Variants in PREP observed in about 807,000 individuals in gnomAD.
PREP encodes prolyl endopeptidase, also known as dJ355L5.1 (prolyl endopeptidase).
Under a neutral mutation model 87.6 loss-of-function variants are expected in PREP, and 29 were observed. The ratio of observed to expected loss-of-function variants is 0.33; its 90% CI spans 0.25 to 0.45. The LOEUF is 0.45. Ranked by LOEUF, PREP falls within the 20% of genes least tolerant of loss-of-function variation. PREP has a pLI of 1.00. For synonymous variants in PREP, 337 were observed against 328.6 expected (o/e 1.03, Z -0.28); for missense variants, 695 against 886.5 (o/e 0.78, Z 2.74).
At chr6:105,391,060 C>CACA (rs1554212310) in intron 2 of PREP, among the ~76,000 whole-genome samples, 3 of 140,178 alleles carry the variant, frequency 2.1e-5, no homozygotes, top group Admixed American at 7.1e-5. Flanking sequence ...CACACACACA[C>CACA]TTTTTTTTTT....
At chr6:105,361,081 T>G (rs1368152973) in intron 6 of PREP, among the ~76,000 whole-genome samples, 1 of 152,216 alleles carries the variant, frequency 6.6e-6, no homozygotes, top group Non-Finnish European at 1.5e-5. Context: ...AAACCTATAT[T>G]ATTAATATTA....
At chr6:105,364,061 T>A (rs933965581) in intron 6 of PREP, among the ~76,000 whole-genome samples, 2 of 152,176 alleles carry the variant, frequency 1.3e-5, no homozygotes, top group African/African-American at 4.8e-5. Context: ...GTTTCTCTTG[T>A]CTTACTCCTC....
intron 7 of PREP, among the ~76,000 whole-genome samples, chr6:105,341,874 C>T (rs989389969): frequency 3.3e-5 from 5 of 152,302 alleles, no homozygotes; most frequent in Admixed American, 3.3e-4. Context: ...TAATAACAGG[C>T]TCTGAAATTG....
intron 6 of PREP, among the ~76,000 whole-genome samples, chr6:105,359,971 C>G (rs1583080542): frequency 1.3e-5 from 2 of 152,312 alleles, no homozygotes; most frequent in East Asian, 3.9e-4. Context: ...ATCTCAGAGT[C>G]TGCTTCCCAG....
At chr6:105,402,764 G>A in intron 1 of PREP, 83 bp downstream of exon 1, 1 of 1,329,026 alleles carries the variant, frequency 7.5e-7, no homozygotes, top group South Asian at 1.4e-5. Context: ...AGGCCTACAG[G>A]AAGAGGAGCT....
At chr6:105,351,347 T>G (rs1193460953) in intron 7 of PREP, among the ~76,000 whole-genome samples, 3 of 152,192 alleles carry the variant, frequency 2.0e-5, no homozygotes, top group Non-Finnish European at 1.5e-5. Context: ...CTTCCTCATA[T>G]TCATTCTTAG....
At chr6:105,387,432 G>A (rs1456990204) in intron 2 of PREP, among the ~76,000 whole-genome samples, 1 of 152,008 alleles carries the variant, frequency 6.6e-6, no homozygotes, top group Non-Finnish European at 1.5e-5. Flanking sequence ...ATTCATCAAT[G>A]ATTTACAGTG....
intron 11 of PREP, among the ~76,000 whole-genome samples, chr6:105,286,924 C>T (rs1770199238): frequency 2.6e-3 from 1 of 384 alleles, no homozygotes; most frequent in Non-Finnish European, 6.7e-3. Context: ...TGATCCTGGA[C>T]CACCTGCTGG....
chr6:105,347,742 G>A (rs939074663), intron 7 of PREP, among the ~76,000 whole-genome samples: 148 of 152,246 alleles, frequency 9.7e-4, no homozygotes, highest in African/African-American at 3.5e-3. Context: ...GCCAGACACA[G>A]TGGCTCACAC....
At chr6:105,391,248 G>C (rs902531206) in intron 2 of PREP, among the ~76,000 whole-genome samples, 3 of 151,948 alleles carry the variant, frequency 2.0e-5, no homozygotes, top group Non-Finnish European at 4.4e-5. Flanking sequence ...TGGGCATCGT[G>C]GTGGGCGCCT....
intron 10 of PREP, among the ~76,000 whole-genome samples, chr6:105,293,357 C>T (rs569743397): frequency 1.3e-5 from 2 of 152,120 alleles, no homozygotes; most frequent in African/African-American, 4.8e-5. Context: ...AGAACACATA[C>T]AATATTTATC....
chr6:105,388,735 T>C (rs1004134054), intron 2 of PREP, among the ~76,000 whole-genome samples: 4 of 152,186 alleles, frequency 2.6e-5, no homozygotes, highest in African/African-American at 9.7e-5. Context: ...GGTAAAATAG[T>C]TACTAAACAC....
At chr6:105,352,725 C>T (rs919813214) in intron 7 of PREP, among the ~76,000 whole-genome samples, 5 of 152,174 alleles carry the variant, frequency 3.3e-5, no homozygotes, top group African/African-American at 7.2e-5. Context: ...GCAATACTCA[C>T]GGGATATTTT....
At chr6:105,339,829 G>C (rs1157651048) in intron 7 of PREP, among the ~76,000 whole-genome samples, 1 of 152,174 alleles carries the variant, frequency 6.6e-6, no homozygotes, top group Admixed American at 6.5e-5. Flanking sequence ...GAGAAGAAAA[G>C]TTCAGAGAAA....
intron 7 of PREP, among the ~76,000 whole-genome samples, chr6:105,338,623 A>G (rs1157668639): frequency 2.0e-5 from 3 of 152,214 alleles, no homozygotes; most frequent in African/African-American, 7.2e-5. Context: ...GGGGTCGGGT[A>G]ATTCCCTTTC....
intron 1 of PREP, among the ~76,000 whole-genome samples, chr6:105,402,196 T>G (rs1298066135): frequency 1.3e-5 from 2 of 152,158 alleles, no homozygotes; most frequent in Non-Finnish European, 2.9e-5. Flanking sequence ...CTCCTTTTCT[T>G]GTTTAAGAAA....
Position 105,282,714 on chromosome 6 carries a change from T to A in PREP, c.1550-132A>T, listed in dbSNP as rs189290849. ...AAAAACCATGGGTTAACACTGCATT[T>A]AAAAAAAAGCCTCAATTTAAGTTCT... On this transcript the variant is annotated intron_variant, in intron 12 of 14. Transcript: ENST00000652536. The A allele has an allele frequency of 0.01, 10,117 of 1,006,322 alleles. 79 individuals are homozygous for A. The highest frequency in any genetic ancestry group is 0.012 in the Non-Finnish European group (8,803 of 706,764). 62.3% of individuals were successfully genotyped at this position (1,006,322 alleles called of 1,614,324 possible).
intron 10 of PREP, among the ~76,000 whole-genome samples, chr6:105,320,881 C>T (rs1210866904): frequency 1.3e-5 from 2 of 152,226 alleles, no homozygotes; most frequent in Admixed American, 6.5e-5. Flanking sequence ...ACAAATCCCT[C>T]TCCAGAGTCT....
chr6:105,283,651 T>A (rs1770127062), intron 12 of PREP, among the ~76,000 whole-genome samples: 1 of 152,178 alleles, frequency 6.6e-6, no homozygotes, highest in African/African-American at 2.4e-5. Flanking sequence ...TTAAAGTCAA[T>A]TAACAGAATG....
Sources: gnomAD v4.1 joint callset for allele counts (sites outside exome capture counted in the v4.1 genomes callset) on GRCh38, gnomAD v4.1.1 for gene constraint, MANE v1.5 for transcripts, NCBI Gene and HGNC (gene_info 2026-07-23, HGNC 2026-07-21) for gene names.